The following LINGO2 variants were observed in gnomAD, a reference collection of about 807,000 sequenced individuals.
The protein encoded by LINGO2 is leucine-rich repeat and immunoglobulin-like domain-containing nogo receptor-interacting protein 2.
In LINGO2, 14 loss-of-function variants were observed where a neutral mutation model predicts 30.6. That is an observed-to-expected ratio of 0.46 (90% CI 0.30 to 0.72). LINGO2 has a LOEUF of 0.72. Among genes scored for constraint, LINGO2 ranks in the 30% least tolerant of loss-of-function variants. The pLI, the probability that LINGO2 is intolerant of heterozygous loss-of-function variation, is 0.07. For synonymous variants in LINGO2, 317 were observed against 288.5 expected (o/e 1.10, Z -1.00); for missense variants, 729 against 751.7 (o/e 0.97, Z 0.35).
At chr9:28,673,571 G>T (rs1193822761), upstream of LINGO2, among the ~76,000 whole-genome samples, 1 of 151,856 alleles carries the variant, frequency 6.6e-6, no homozygotes, top group African/African-American at 2.4e-5. Context: ...GGAGGCTGAG[G>T]TAGAAGAATC....
At chr9:28,099,586 A>G (rs1342580553) in intron 4 of LINGO2, among the ~76,000 whole-genome samples, 2 of 152,202 alleles carry the variant, frequency 1.3e-5, no homozygotes, top group Non-Finnish European at 2.9e-5. Flanking sequence ...CCACCACTGT[A>G]TCTACTTGGA....
the LINGO2 span, among the ~76,000 whole-genome samples, chr9:29,189,308 G>A: frequency 2.6e-4 from 39 of 151,620 alleles, no homozygotes; most frequent in Non-Finnish European, 3.5e-4. Context: ...GGTGGCTGCC[G>A]GGCGGAGACG....
At chr9:28,166,545 G>T (rs943828557) in intron 4 of LINGO2, among the ~76,000 whole-genome samples, 1 of 152,132 alleles carries the variant, frequency 6.6e-6, no homozygotes, top group Non-Finnish European at 1.5e-5. Flanking sequence ...GGAAGAATAT[G>T]ATTTTAACTT....
intron 4 of LINGO2, among the ~76,000 whole-genome samples, chr9:28,107,721 T>C (rs1183950143): frequency 2.0e-5 from 3 of 152,152 alleles, no homozygotes; most frequent in African/African-American, 7.2e-5. Flanking sequence ...AATTCACCAA[T>C]ACAATTTCAA....
chr9:28,164,333 T>C (rs774342678), intron 4 of LINGO2, among the ~76,000 whole-genome samples: 7 of 152,238 alleles, frequency 4.6e-5, no homozygotes, highest in Non-Finnish European at 1.0e-4. Context: ...ACAACTATAT[T>C]AACAAAATAT....
intron 3 of LINGO2, among the ~76,000 whole-genome samples, chr9:28,297,943 G>A (rs768135624): frequency 5.2e-4 from 79 of 152,122 alleles, no homozygotes; most frequent in Non-Finnish European, 9.8e-4. Context: ...TATTGTATAA[G>A]TTGCTTTACA....
chr9:28,252,695 A>G (rs373826941), intron 4 of LINGO2, among the ~76,000 whole-genome samples: 5 of 152,158 alleles, frequency 3.3e-5, no homozygotes, highest in East Asian at 1.9e-4. Context: ...GTATCAGAAA[A>G]TATTACCCTA....
chr9:28,561,477 T>G (rs1467241811), intron 1 of LINGO2, among the ~76,000 whole-genome samples: 1 of 150,924 alleles, frequency 6.6e-6, no homozygotes, highest in Admixed American at 6.6e-5. Context: ...TGTCCCTGTT[T>G]CTATAATTAG....
chr9:28,693,785 T>G, the LINGO2 span, among the ~76,000 whole-genome samples: 2 of 152,160 alleles, frequency 1.3e-5, no homozygotes, highest in Non-Finnish European at 2.9e-5. Flanking sequence ...GATTTGTGTC[T>G]TCTTTATACA....
the LINGO2 span, among the ~76,000 whole-genome samples, chr9:29,194,278 C>G: frequency 6.6e-6 from 1 of 152,124 alleles, no homozygotes; most frequent in African/African-American, 2.4e-5. Flanking sequence ...TGTTTATTGT[C>G]CAAATAAACA....
intron 1 of LINGO2, among the ~76,000 whole-genome samples, chr9:28,565,203 A>T (rs1357587364): frequency 2.6e-5 from 4 of 152,108 alleles, no homozygotes; most frequent in Non-Finnish European, 5.9e-5. Flanking sequence ...AAAAAATAGG[A>T]ATATATATAA....
intron 5 of LINGO2, among the ~76,000 whole-genome samples, chr9:27,951,154 A>G (rs1197694538): frequency 6.6e-6 from 1 of 152,220 alleles, no homozygotes; most frequent in Non-Finnish European, 1.5e-5. Flanking sequence ...CCTCTATTCA[A>G]AACAAAGCTA....
chr9:29,153,863 G>A, the LINGO2 span, among the ~76,000 whole-genome samples: 1 of 152,084 alleles, frequency 6.6e-6, no homozygotes. Flanking sequence ...TAATTCTCAG[G>A]TCTTTAGAAA....
In LINGO2 at chr9:27,949,104, T is replaced by A. The variant is rs1462426270; in HGVS notation, c.1568A>T (p.Asp523Val). 4 of 1,614,188 alleles carry A rather than the reference T, an allele frequency of 2.5e-6. No homozygotes were observed. The Admixed American group carries it at 6.7e-5, about 27-fold the overall frequency. The change falls in exon 6 of 6, where the codon GAC (aspartate) becomes GTC (valine). Residue 523 changes from aspartate (D) to valine (V), a missense_variant. Physicochemically the swap from Asp to Val is radical, Grantham distance 152 (BLOSUM62 -3). Transcript: ENST00000379992. ...GGCATTGGTGCCATTGGAAATGGTG[T>A]CATTGGAGTCGGTCATGTACATAGG...
At chr9:28,743,769 T>G in the LINGO2 span, among the ~76,000 whole-genome samples, 2 of 151,882 alleles carry the variant, frequency 1.3e-5, 1 homozygote, top group Non-Finnish European at 2.9e-5. Flanking sequence ...TTCCAAAATT[T>G]TGACTATAAT....
intron 4 of LINGO2, among the ~76,000 whole-genome samples, chr9:28,064,540 T>C (rs2383761): frequency 0.93 from 141,104 of 152,146 alleles, 65,834 homozygotes; most frequent in Non-Finnish European, 0.98. Context: ...CTCCAGTAAG[T>C]TTGATGAGAA....
intron 4 of LINGO2, among the ~76,000 whole-genome samples, chr9:28,283,654 A>G (rs1823405254): frequency 6.6e-6 from 1 of 152,100 alleles, no homozygotes; most frequent in Non-Finnish European, 1.5e-5. Flanking sequence ...TAGCTGTGTG[A>G]GCTTAGTAAA....
chr9:29,095,722 C>G, the LINGO2 span, among the ~76,000 whole-genome samples: 2 of 139,050 alleles, frequency 1.4e-5, 1 homozygote, highest in Admixed American at 1.5e-4. Context: ...AGTGTTGGGA[C>G]TGGGAGTCCT....
the LINGO2 span, among the ~76,000 whole-genome samples, chr9:29,073,617 C>T: frequency 6.6e-6 from 1 of 152,134 alleles, no homozygotes; most frequent in African/African-American, 2.4e-5. Flanking sequence ...TCTATGACTG[C>T]TTTTAAACTA....
Sources: allele counts gnomAD v4.1 joint callset (sites outside exome capture counted in the v4.1 genomes callset), GRCh38; gene constraint gnomAD v4.1.1; transcripts MANE v1.5; gene names NCBI Gene and HGNC (gene_info 2026-07-23, HGNC 2026-07-21).